The following AGBL1 variants were observed in gnomAD, a reference collection of about 807,000 sequenced individuals.
The protein encoded by AGBL1 is cytosolic carboxypeptidase 4.
A neutral mutation model predicts 118.9 loss-of-function variants in AGBL1; 130 were observed. That is an observed-to-expected ratio of 1.09 (90% confidence interval 0.95 to 1.26). AGBL1 has a LOEUF of 1.26. Ranked by LOEUF, AGBL1 falls within the 50% of genes most tolerant of loss-of-function variation. The pLI is 0.00. For missense variants in AGBL1, 1,584 were observed against 1,298.1 expected, an observed-to-expected ratio of 1.22 and a Z score of -3.38; for synonymous variants, 555 against 478.9, an observed-to-expected ratio of 1.16 and a Z score of -2.08.
At chr15:86,640,444 T>G (rs1169670660) in intron 21 of AGBL1, among the ~76,000 whole-genome samples, 1 of 152,192 alleles carries the variant, frequency 6.6e-6, no homozygotes, top group Non-Finnish European at 1.5e-5. Context: ...CTTGTGTGTA[T>G]TAATATATAA....
At chr15:86,378,675 A>G (rs574865943) in intron 17 of AGBL1, among the ~76,000 whole-genome samples, 2 of 130,082 alleles carry the variant, frequency 1.5e-5, no homozygotes, top group South Asian at 5.4e-4. Flanking sequence ...CAATGCAGTG[A>G]GATGGGATTA....
At chr15:86,427,841 C>T (rs2081886340) in intron 18 of AGBL1, among the ~76,000 whole-genome samples, 1 of 152,210 alleles carries the variant, frequency 6.6e-6, no homozygotes, top group South Asian at 2.1e-4. Context: ...AATTAAAGCT[C>T]ATGTTCCCAG....
At chr15:86,438,301 C>T (rs770496390) in intron 18 of AGBL1, among the ~76,000 whole-genome samples, 1 of 152,136 alleles carries the variant, frequency 6.6e-6, no homozygotes, top group Non-Finnish European at 1.5e-5. Flanking sequence ...ATGAAATGCT[C>T]AATATACCTA....
intron 5 of AGBL1, among the ~76,000 whole-genome samples, chr15:86,191,822 T>C (rs538083241): frequency 1.3e-5 from 2 of 151,072 alleles, no homozygotes; most frequent in Admixed American, 6.6e-5. Flanking sequence ...CGTGCAGTAA[T>C]CCTAGAGCTT....
At chr15:86,698,043 T>C (rs2086292376) in intron 22 of AGBL1, among the ~76,000 whole-genome samples, 1 of 152,050 alleles carries the variant, frequency 6.6e-6, no homozygotes, top group Admixed American at 6.6e-5. Flanking sequence ...GTTCACAATG[T>C]GAGTCTCCAC....
At chr15:86,633,080 TAGAC>T (rs1213604969) in intron 21 of AGBL1, among the ~76,000 whole-genome samples, 2 of 152,094 alleles carry the variant, frequency 1.3e-5, no homozygotes, top group Admixed American at 6.5e-5. Context: ...AATCTACACT[TAGAC>T]AAGTAGTAAG....
intron 18 of AGBL1, among the ~76,000 whole-genome samples, chr15:86,478,066 C>A (rs558463258): frequency 3.3e-5 from 5 of 152,140 alleles, no homozygotes; most frequent in African/African-American, 1.2e-4. Context: ...AAATTAGGTA[C>A]TGAAGGGACG....
intron 22 of AGBL1, among the ~76,000 whole-genome samples, chr15:86,748,620 C>T (rs1172834323): frequency 1.5e-5 from 2 of 131,082 alleles, no homozygotes; most frequent in African/African-American, 5.7e-5. Flanking sequence ...CCTAGGTTTT[C>T]TTCTAGGGTT....
Position 86,257,959 on chromosome 15 carries a change from T to A in AGBL1, c.902-5T>A. The A allele has an allele frequency of 1.2e-6, 2 of 1,613,142 alleles. No homozygotes were observed. The highest frequency in any genetic ancestry group is 2.2e-5 in the South Asian group (2 of 90,852). On this transcript the variant is annotated splice_region_variant and splice_polypyrimidine_tract_variant and intron_variant, in intron 8 of 22. Transcript: ENST00000614907. ...CACTTATTTCACCTCTTTTTCCCCA[T>A]CCAGAGGATTTTGAAGATGATGGCG...
At chr15:87,004,200 T>C (rs2081472328) in intron 24 of AGBL1, among the ~76,000 whole-genome samples, 1 of 152,220 alleles carries the variant, frequency 6.6e-6, no homozygotes, top group South Asian at 2.1e-4. Flanking sequence ...AACATCTTTA[T>C]TTCTGCCTTC....
chr15:86,861,341 T>C (rs570479195), intron 22 of AGBL1, among the ~76,000 whole-genome samples: 4 of 152,326 alleles, frequency 2.6e-5, no homozygotes, highest in South Asian at 2.1e-4. Flanking sequence ...TTAACCTGTA[T>C]TGAGCTCATT....
At chr15:86,788,220 G>A (rs924097983) in intron 22 of AGBL1, among the ~76,000 whole-genome samples, 1 of 152,186 alleles carries the variant, frequency 6.6e-6, no homozygotes, top group Non-Finnish European at 1.5e-5. Context: ...TCTTGCTTGT[G>A]AGCTTGAGCA....
chr15:87,014,335 G>A (rs758240767), intron 24 of AGBL1, among the ~76,000 whole-genome samples: 8 of 152,126 alleles, frequency 5.3e-5, no homozygotes, highest in Non-Finnish European at 1.2e-4. Flanking sequence ...ATTCTATTGC[G>A]TGATCTTAGG....
intron 16 of AGBL1, among the ~76,000 whole-genome samples, chr15:86,280,938 T>C (rs1255561167): frequency 1.3e-5 from 2 of 152,206 alleles, no homozygotes; most frequent in Non-Finnish European, 2.9e-5. Flanking sequence ...CTCAAGAAGT[T>C]AATCCAAGTA....
intron 22 of AGBL1, among the ~76,000 whole-genome samples, chr15:86,777,631 T>G (rs991924070): frequency 1.3e-5 from 2 of 152,192 alleles, no homozygotes; most frequent in African/African-American, 4.8e-5. Context: ...TGTTTTTATT[T>G]ATAACATTTC....
intron 24 of AGBL1, among the ~76,000 whole-genome samples, chr15:87,008,593 GA>G (rs1205756045): frequency 6.6e-6 from 1 of 152,174 alleles, no homozygotes; most frequent in East Asian, 1.9e-4. Flanking sequence ...AGCAAATTTG[GA>G]ACTTGGTAAC....
chr15:86,749,880 A>T (rs1458478378), intron 22 of AGBL1, among the ~76,000 whole-genome samples: 2 of 152,260 alleles, frequency 1.3e-5, no homozygotes, highest in East Asian at 3.9e-4. Flanking sequence ...ATGGTGGATA[A>T]GCTTTTTGAT....
At chr15:86,282,787 G>A (rs28691032) in intron 16 of AGBL1, among the ~76,000 whole-genome samples, 163 of 152,284 alleles carry the variant, frequency 1.1e-3, no homozygotes, top group African/African-American at 3.8e-3. Context: ...AGAATTAACT[G>A]TATGTTACTT....
intron 22 of AGBL1, among the ~76,000 whole-genome samples, chr15:86,752,059 C>T (rs764902770): frequency 2.6e-5 from 4 of 152,054 alleles, no homozygotes; most frequent in Non-Finnish European, 5.9e-5. Context: ...TTAGCTTTCA[C>T]CTTATGTCAT....
Sources: allele counts gnomAD v4.1 joint callset (sites outside exome capture counted in the v4.1 genomes callset), GRCh38; gene constraint gnomAD v4.1.1; transcripts MANE v1.5; gene names NCBI Gene and HGNC (gene_info 2026-07-23, HGNC 2026-07-21).